Variants in TMCC3 observed in about 807,000 individuals in gnomAD.
TMCC3 encodes the protein transmembrane and coiled-coil domain protein 3.
Under a neutral mutation model 40.2 loss-of-function variants are expected in TMCC3, and 28 were observed. The ratio of observed to expected loss-of-function variants is 0.70; its 90% CI spans 0.52 to 0.95. The LOEUF is 0.95. Ranked by LOEUF, TMCC3 falls within the 40% of genes least tolerant of loss-of-function variation. TMCC3 has a pLI of 0.00. For synonymous variants in TMCC3, 255 were observed against 248.5 expected (o/e 1.03, Z -0.25); for missense variants, 554 against 615.2 (o/e 0.90, Z 1.05).
At chr12:94,578,301 C>G in intron 3 of TMCC3, 93 bp downstream of exon 3, 1 of 1,446,126 alleles carries the variant, frequency 6.9e-7, no homozygotes, top group East Asian at 2.3e-5. Context: ...TGCCAGAAAC[C>G]CTCTAGGACT....
intron 1 of TMCC3, among the ~76,000 whole-genome samples, chr12:94,628,768 A>G (rs564280777): frequency 7.5e-4 from 114 of 152,300 alleles, no homozygotes; most frequent in Middle Eastern, 3.4e-3. Flanking sequence ...GATGACAAAT[A>G]ATGGGAAAGC....
At chr12:94,574,404 A>AAC (rs34704813) in intron 3 of TMCC3, among the ~76,000 whole-genome samples, 6 of 151,662 alleles carry the variant, frequency 4.0e-5, no homozygotes, top group Non-Finnish European at 7.4e-5. Context: ...AAAAAAAAAA[A>AAC]CAGAATGTGA....
chr12:94,581,797 C>T lies in TMCC3; in HGVS notation c.820G>A (p.Gly274Arg). 6.2e-7 allele frequency: 1 copy of T among 1,614,136 alleles called. No homozygotes were observed. Among genetic ancestry groups the T allele is most frequent in the Non-Finnish European group, 8.5e-7 (1 of 1,179,990 alleles). ...SADSNGNQSFGAGGASTLDSQ... is the reference protein window; with the variant it reads ...SADSNGNQSFRAGGASTLDSQ... ...TCCAGTGTGCTGGCTCCACCAGCCCCAAACGACTGGTTTCCGTTACTGTCG... is the reference window on the plus strand; with the variant it reads ...TCCAGTGTGCTGGCTCCACCAGCCCTAAACGACTGGTTTCCGTTACTGTCG... The change falls in exon 2 of 4, where the codon GGG becomes AGG. Residue 274 changes from glycine (G) to arginine (R), a missense_variant. Physicochemically the swap from Gly to Arg is moderately radical, Grantham distance 125 (BLOSUM62 -2). Coordinates refer to ENST00000261226, the MANE Select transcript of TMCC3 (RefSeq NM_020698.4).
chr12:94,650,287 G>A (rs981963075), intron 1 of TMCC3, 66 bp downstream of exon 1: 41 of 1,068,992 alleles, frequency 3.8e-5, no homozygotes, highest in Non-Finnish European at 4.0e-5. Flanking sequence ...GCACTGAGCC[G>A]CCGCCCCAGC....
chr12:94,636,245 T>C (rs147646505), intron 1 of TMCC3, among the ~76,000 whole-genome samples: 30 of 152,206 alleles, frequency 2.0e-4, no homozygotes, highest in Non-Finnish European at 3.7e-4. Flanking sequence ...GATTCAAATA[T>C]ACAAAAATAA....
At position 94,610,807 on chromosome 12, in the gene TMCC3, T is replaced by A. The variant is rs551350348; in HGVS notation, c.79-28269A>T. The stretch of plus-strand genomic sequence containing the variant: ...TGTGCTTAAACGAGGGGTGGAGGGA[T>A]TTATGATAGATATGTACAATTGTAT... On this transcript the variant is annotated intron_variant, in intron 1 of 3. Coordinates refer to ENST00000261226, the MANE Select transcript of TMCC3 (RefSeq NM_020698.4). 9.9e-5 allele frequency among the ~76,000 whole-genome samples: 15 copies of A among 152,236 alleles called. No homozygotes were observed. The South Asian group carries it at 2.7e-3, about 27-fold the overall frequency.
intron 1 of TMCC3, among the ~76,000 whole-genome samples, chr12:94,604,629 A>AC (rs1341469831): frequency 8.3e-6 from 1 of 120,444 alleles, no homozygotes; most frequent in African/African-American, 3.2e-5. Context: ...CAATAGTGAG[A>AC]CCCCATCTCT....
chr12:94,643,345 A>T (rs1416716467), intron 1 of TMCC3, among the ~76,000 whole-genome samples: 2 of 152,180 alleles, frequency 1.3e-5, no homozygotes, highest in African/African-American at 4.8e-5. Flanking sequence ...CAGGTAGGTG[A>T]CTGATGACAT....
At chr12:94,648,919 TCTC>T in intron 1 of TMCC3, among the ~76,000 whole-genome samples, 2 of 152,374 alleles carry the variant, frequency 1.3e-5, no homozygotes, top group Middle Eastern at 3.4e-3. Context: ...TCGAAGATGA[TCTC>T]CTTTTCTTCA....
At chr12:94,635,872 T>C (rs2068958326) in intron 1 of TMCC3, among the ~76,000 whole-genome samples, 1 of 152,126 alleles carries the variant, frequency 6.6e-6, no homozygotes, top group Admixed American at 6.5e-5. Context: ...TTTCACCATG[T>C]TGGTCAGGCT....
chr12:94,604,638 C>T (rs2068771765), intron 1 of TMCC3, among the ~76,000 whole-genome samples: 3 of 84,030 alleles, frequency 3.6e-5, no homozygotes, highest in Non-Finnish European at 7.6e-5. Flanking sequence ...GACCCCATCT[C>T]TACCAAAAAA....
At chr12:94,582,893 C>T (rs1350295291) in intron 1 of TMCC3, among the ~76,000 whole-genome samples, 1 of 151,288 alleles carries the variant, frequency 6.6e-6, no homozygotes, top group Admixed American at 6.6e-5. Flanking sequence ...TGCCATACCA[C>T]ATTCACTGGG....
In TMCC3 at chr12:94,582,069, C is replaced by T. The variant is rs920901624; in HGVS notation, c.548G>A (p.Ser183Asn). 4.3e-6 allele frequency: 7 copies of T among 1,614,068 alleles called. No homozygotes were observed. In the East Asian group the frequency reaches 1.3e-4, roughly 31 times the overall value. The change falls in exon 2 of 4, where the codon AGC becomes AAC. Residue 183 changes from serine (S) to asparagine (N), a missense_variant. Ser to Asn is a conservative substitution (Grantham distance 46). Coordinates refer to ENST00000261226, the MANE Select transcript of TMCC3 (RefSeq NM_020698.4). The part of the protein sequence containing the change: ...KSRTAPHCME[S>N]SKSGMPGVSL... ...GACCCCTGGCATGCCCGATTTGCTG[C>T]TCTCCATGCAATGGGGGGCAGTTCG...
At chr12:94,600,024 T>C (rs2068743029) in intron 1 of TMCC3, among the ~76,000 whole-genome samples, 1 of 151,784 alleles carries the variant, frequency 6.6e-6, no homozygotes, top group Non-Finnish European at 1.5e-5. Context: ...ACCCCATCTC[T>C]AAAAAAAGGA....
intron 1 of TMCC3, among the ~76,000 whole-genome samples, chr12:94,645,846 A>C (rs532354171): frequency 6.6e-6 from 1 of 152,314 alleles, no homozygotes; most frequent in South Asian, 2.1e-4. Flanking sequence ...GACGCTCAAA[A>C]AGTTTTGGAT....
intron 1 of TMCC3, among the ~76,000 whole-genome samples, chr12:94,634,474 G>C (rs1000006456): frequency 6.6e-6 from 1 of 151,798 alleles, no homozygotes; most frequent in Non-Finnish European, 1.5e-5. Flanking sequence ...TCCTTAAACA[G>C]CAACAAGTCT....
rs549345940 is a variant in TMCC3 at position 94,614,106 on chromosome 12, A to AC, written c.79-31569_79-31568insG. Among the ~76,000 whole-genome samples, 341 of 151,704 alleles carry AC rather than the reference A, an allele frequency of 2.2e-3. 4 individuals are homozygous for AC. The highest frequency in any genetic ancestry group is 0.014 in the Middle Eastern group (4 of 294). ...TGAGACTCCATCTCCAGAAAAAAAAAAAAAAAAAAACTATGGAGTAAATTA... is the reference window on the plus strand; with the variant it reads ...TGAGACTCCATCTCCAGAAAAAAAAACAAAAAAAAAACTATGGAGTAAATTA... On this transcript the variant is annotated intron_variant, in intron 1 of 3. Transcript: ENST00000261226.
intron 1 of TMCC3, among the ~76,000 whole-genome samples, chr12:94,645,139 G>C (rs1056404423): frequency 6.6e-6 from 1 of 152,174 alleles, no homozygotes; most frequent in Non-Finnish European, 1.5e-5. Context: ...TCAGCAGCCA[G>C]CACACAGAAG....
chr12:94,620,288 AATT>A (rs1259310378), intron 1 of TMCC3, among the ~76,000 whole-genome samples: 11 of 148,866 alleles, frequency 7.4e-5, no homozygotes, highest in Non-Finnish European at 9.0e-5. Context: ...TTTTTTTAAT[AATT>A]ATTATTTTTT....
Sources: allele counts gnomAD v4.1 joint callset (sites outside exome capture counted in the v4.1 genomes callset), GRCh38; gene constraint gnomAD v4.1.1; transcripts MANE v1.5; gene names NCBI Gene and HGNC (gene_info 2026-07-23, HGNC 2026-07-21).